The following SORT1 variants were observed in gnomAD, a reference collection of about 807,000 sequenced individuals.
SORT1 encodes sortilin.
In SORT1, 39 loss-of-function variants were observed where a neutral mutation model predicts 101.7. The ratio of observed to expected loss-of-function variants is 0.38; its 90% CI spans 0.30 to 0.50. SORT1 has a LOEUF of 0.50. Ranked by LOEUF, SORT1 falls within the 20% of genes least tolerant of loss-of-function variation. The probability of loss-of-function intolerance (pLI) is 0.90; values close to 1 mark genes in which losing one functional copy is unlikely to be tolerated. For synonymous variants in SORT1, 396 were observed against 393.7 expected (o/e 1.01, Z -0.07); for missense variants, 878 against 1,040.4 (o/e 0.84, Z 2.15).
At chr1:109,341,145 C>A (rs762655895) in intron 9 of SORT1, among the ~76,000 whole-genome samples, 6 of 152,190 alleles carry the variant, frequency 3.9e-5, no homozygotes, top group Non-Finnish European at 7.3e-5. Context: ...CAGAAAAACT[C>A]TTCCCAGATA....
At chr1:109,327,416 C>CA (rs1158269470) in intron 12 of SORT1, 83 bp downstream of exon 12, 2 of 856,116 alleles carry the variant, frequency 2.3e-6, no homozygotes, top group African/African-American at 3.4e-5. Context: ...TGTTTCTTCT[C>CA]AGAGCGTTCA....
chr1:109,336,447 T>C, intron 10 of SORT1, 101 bp from the exon 11 acceptor site: 2 of 756,588 alleles, frequency 2.6e-6, no homozygotes, highest in Non-Finnish European at 4.7e-6. Context: ...GTATAGCACC[T>C]GGAGTCCGAC....
chr1:109,351,927 C>A (rs138803090), intron 5 of SORT1, among the ~76,000 whole-genome samples: 2 of 150,948 alleles, frequency 1.3e-5, no homozygotes, highest in East Asian at 1.9e-4. Flanking sequence ...CATAGTAGAA[C>A]GGGATGACTT....
At chr1:109,384,421 G>C (rs965210378) in intron 1 of SORT1, among the ~76,000 whole-genome samples, 1 of 152,210 alleles carries the variant, frequency 6.6e-6, no homozygotes, top group African/African-American at 2.4e-5. Flanking sequence ...ACAACAGCAA[G>C]AGGAAGAGGA....
rs1159524727 is a variant in SORT1, at chr1:109,397,788, G to C, written c.105C>G (p.Asp35Glu). The C allele has an allele frequency of 1.6e-6, 2 of 1,250,462 alleles. No individual in the cohort carries two copies. Among genetic ancestry groups the C allele is most frequent in the South Asian group, 2.1e-5 (1 of 47,232 alleles). 77.5% of individuals were successfully genotyped at this position (1,250,462 alleles called of 1,614,324 possible). A position where few individuals can be genotyped will look rare whatever the true frequency, so the allele number is the denominator to read the frequency against. Reference sequence around the variant, plus strand: ...CGGGCGGCGGCGGCGCGTCCAGCCGGTCCTGGCTGAGGGTCGACGGCGGCA... The same window carrying C: ...CGGGCGGCGGCGGCGCGTCCAGCCGCTCCTGGCTGAGGGTCGACGGCGGCA... Reference protein sequence around the residue: ...QLLPPSTLSQDRLDAPPPPAA... With the variant: ...QLLPPSTLSQERLDAPPPPAA... The change falls in exon 1 of 20, where the codon GAC becomes GAG. Residue 35 changes from aspartate (D) to glutamate (E), a missense_variant. Around this residue, in one of 2 missense-constraint regions of SORT1, gnomAD observed 194 missense variants for 145.9 expected, o/e 1.33. Transcript: ENST00000256637.
chr1:109,339,595 T>C (rs1024994559), intron 10 of SORT1, among the ~76,000 whole-genome samples: 67 of 152,218 alleles, frequency 4.4e-4, no homozygotes, highest in African/African-American at 1.3e-3. Flanking sequence ...GAGAATATAA[T>C]GTGTTTGCAA....
Position 109,372,082 on chromosome 1 carries a change from C to T in SORT1, c.307-2493G>A, listed in dbSNP as rs1302437377. Among the ~76,000 whole-genome samples, 4 of 152,054 alleles carry T rather than the reference C, an allele frequency of 2.6e-5. No individual in the cohort carries two copies. The East Asian group carries it at 7.7e-4, about 29-fold the overall frequency. On this transcript the variant is annotated intron_variant, in intron 1 of 19. Coordinates refer to ENST00000256637, the MANE Select transcript of SORT1 (RefSeq NM_002959.7). ...CCCAAGAGTACAGATTCAATCCTGC[C>T]ACTTCAATGGGAGAAAAAAATACGG...
intron 6 of SORT1, among the ~76,000 whole-genome samples, chr1:109,347,771 T>C (rs1043332745): frequency 6.6e-6 from 1 of 152,220 alleles, no homozygotes; most frequent in Non-Finnish European, 1.5e-5. Flanking sequence ...CAGGCAGTCA[T>C]GCTGGTCTAC....
intron 6 of SORT1, among the ~76,000 whole-genome samples, chr1:109,348,900 C>T (rs920679627): frequency 2.0e-5 from 3 of 152,002 alleles, no homozygotes; most frequent in African/African-American, 7.3e-5. Context: ...GCCCAGGAGG[C>T]AGAGGCTGCA....
At chr1:109,367,530 C>T (rs1294857815) in intron 2 of SORT1, 49 bp from the exon 3 acceptor site, 1 of 1,192,490 alleles carries the variant, frequency 8.4e-7, no homozygotes, top group Non-Finnish European at 1.2e-6. Context: ...ATTCCAATCA[C>T]ATGCTGATAT....
intron 5 of SORT1, among the ~76,000 whole-genome samples, chr1:109,351,401 A>T (rs1325641892): frequency 1.3e-5 from 2 of 152,206 alleles, no homozygotes; most frequent in Non-Finnish European, 2.9e-5. Context: ...ATTGCATCAG[A>T]GATGGTGTCC....
At chr1:109,360,199 G>A (rs1056455467) in intron 3 of SORT1, among the ~76,000 whole-genome samples, 1 of 152,140 alleles carries the variant, frequency 6.6e-6, no homozygotes, top group Non-Finnish European at 1.5e-5. Flanking sequence ...GTTGAGCATG[G>A]TGGTTTCCAG....
At chr1:109,356,631 T>C (rs917637282) in intron 3 of SORT1, among the ~76,000 whole-genome samples, 5 of 152,222 alleles carry the variant, frequency 3.3e-5, no homozygotes, top group South Asian at 2.1e-4. Context: ...CTTGAAGTTT[T>C]TCCCCATAGA....
At position 109,336,276 on chromosome 1, in the gene SORT1, G is replaced by C. The variant is rs755651102; in HGVS notation, c.1335C>G (p.Asn445Lys). ...GRWTHLRKPENSECDATAKNK... is the reference protein window; with the variant it reads ...GRWTHLRKPEKSECDATAKNK... ...TTTTTGCTGTAGCATCACATTCACTGTTTTCAGGCTTCCTCAGGTGCGTCC... is the reference window on the plus strand; with the variant it reads ...TTTTTGCTGTAGCATCACATTCACTCTTTTCAGGCTTCCTCAGGTGCGTCC... Residue 445 changes from asparagine to lysine, a missense_variant, in exon 11 of 20, where the codon AAC becomes AAG. Physicochemically the swap from Asn to Lys is moderately conservative, Grantham distance 94. This residue lies in a region of SORT1 where 684 missense variants were observed against 894.5 expected (regional missense o/e 0.76). Coordinates refer to ENST00000256637, the MANE Select transcript of SORT1 (RefSeq NM_002959.7). 6.2e-7 allele frequency: 1 copy of C among 1,613,464 alleles called. No individual in the cohort carries two copies. The highest frequency in any genetic ancestry group is 1.7e-5 in the Admixed American group (1 of 60,020).
intron 16 of SORT1, among the ~76,000 whole-genome samples, chr1:109,317,520 G>T (rs1647300311): frequency 6.6e-6 from 1 of 152,218 alleles, no homozygotes; most frequent in Non-Finnish European, 1.5e-5. Flanking sequence ...GTTCATGGCG[G>T]ATGGGACGCT....
chr1:109,342,984 T>C (rs954622123), intron 8 of SORT1, among the ~76,000 whole-genome samples: 3 of 152,208 alleles, frequency 2.0e-5, no homozygotes, highest in African/African-American at 4.8e-5. Flanking sequence ...TTGAATCTTA[T>C]TCTCATTACT....
chr1:109,394,330 T>C (rs1310282247), intron 1 of SORT1, among the ~76,000 whole-genome samples: 1 of 152,136 alleles, frequency 6.6e-6, no homozygotes, highest in African/African-American at 2.4e-5. Context: ...ACTTAATCAT[T>C]AGGACTTCTA....
At chr1:109,372,117 A>T (rs1651515501) in intron 1 of SORT1, among the ~76,000 whole-genome samples, 1 of 152,226 alleles carries the variant, frequency 6.6e-6, no homozygotes, top group Non-Finnish European at 1.5e-5. Context: ...GATGTCCAGG[A>T]AAGGGCAGAC....
rs533883966 is a variant in SORT1, at chr1:109,315,250, ATAT to A, written c.2251-475_2251-473del. Among the ~76,000 whole-genome samples, 12 of 152,264 alleles carry A rather than the reference ATAT, an allele frequency of 7.9e-5. No homozygotes were observed. The South Asian group carries it at 1.5e-3, about 18-fold the overall frequency. ...TTTATTTGTTTACTTAATTTTTTAT[ATAT>A]TATTATAAATAAGCCTTATCATATC... On this transcript the variant is annotated intron_variant, in intron 17 of 19. Transcript: ENST00000256637.
Sources: allele counts gnomAD v4.1 joint callset (sites outside exome capture counted in the v4.1 genomes callset), GRCh38; gene constraint gnomAD v4.1.1; regional missense constraint gnomAD v4.1.1; transcripts MANE v1.5; gene names NCBI Gene and HGNC (gene_info 2026-07-23, HGNC 2026-07-21).